Variants in ZRANB1 observed in about 807,000 individuals in gnomAD.
ZRANB1 encodes the protein zinc finger RANBP2-type containing 1.
In ZRANB1, 16 loss-of-function variants were observed where a neutral mutation model predicts 80.5. The observed-to-expected ratio is 0.20, with a 90% CI of 0.13 to 0.30. The LOEUF (loss-of-function observed/expected upper bound fraction) is 0.30, where lower values mean the gene tolerates loss of function less well. Ranked by LOEUF, ZRANB1 falls within the 10% of genes least tolerant of loss-of-function variation. ZRANB1 has a pLI of 1.00. For synonymous variants in ZRANB1, 291 were observed against 293.1 expected (o/e 0.99, Z 0.07); for missense variants, 576 against 862.6 (o/e 0.67, Z 4.16).
chr10:124,969,632 A>G (rs1395204410), intron 2 of ZRANB1, among the ~76,000 whole-genome samples: 2 of 152,254 alleles, frequency 1.3e-5, no homozygotes, highest in East Asian at 1.9e-4. Flanking sequence ...GAAGTAAATG[A>G]GATTACAAAG....
Position 124,942,277 on chromosome 10 carries a change from A to T in ZRANB1, c.-217A>T. 1 of 1,375,578 alleles carries T rather than the reference A, an allele frequency of 7.3e-7. No individual in the cohort carries two copies. The highest frequency in any genetic ancestry group is 9.4e-7 in the Non-Finnish European group (1 of 1,067,382). 85.2% of individuals were successfully genotyped at this position (1,375,578 alleles called of 1,614,324 possible). A position where few individuals can be genotyped will look rare whatever the true frequency, so the allele number is the denominator to read the frequency against. On this transcript the variant is annotated 5_prime_UTR_variant, in exon 1 of 9. Coordinates refer to ENST00000359653, the MANE Select transcript of ZRANB1 (RefSeq NM_017580.3). The stretch of plus-strand genomic sequence containing the variant: ...AGGGTCTAAGATTTTTTCTTTGAGA[A>T]TTTATCTCCAGTGTTTCTATGGAAA...
At chr10:124,955,214 C>T (rs1951679114) in intron 1 of ZRANB1, among the ~76,000 whole-genome samples, 1 of 123,280 alleles carries the variant, frequency 8.1e-6, no homozygotes, top group African/African-American at 2.5e-5. Flanking sequence ...AAAAATGTTA[C>T]ATTAAAAGGT....
chr10:124,971,693 T>C (rs1464039097), intron 2 of ZRANB1, among the ~76,000 whole-genome samples: 7 of 152,326 alleles, frequency 4.6e-5, no homozygotes, highest in African/African-American at 1.4e-4. Context: ...CAACACCCTT[T>C]TCCATACATT....
chr10:124,958,896 G>A (rs1444337233), intron 1 of ZRANB1, among the ~76,000 whole-genome samples: 2 of 152,176 alleles, frequency 1.3e-5, no homozygotes, highest in Non-Finnish European at 2.9e-5. Flanking sequence ...TCCAGTCCCA[G>A]TCTGGGCAAC....
chr10:124,951,040 TAA>T (rs371717638), intron 1 of ZRANB1, among the ~76,000 whole-genome samples: 4 of 148,908 alleles, frequency 2.7e-5, no homozygotes, highest in African/African-American at 9.8e-5. Flanking sequence ...ACACCTTGTT[TAA>T]AAAAAAAAAT....
At chr10:124,928,152 C>A in the ZRANB1 span, among the ~76,000 whole-genome samples, 1 of 152,148 alleles carries the variant, frequency 6.6e-6, no homozygotes, top group Non-Finnish European at 1.5e-5. Context: ...GGAGCAGTAC[C>A]AGATTTCTAG....
chr10:124,943,872 G>C (rs772957606), intron 1 of ZRANB1, among the ~76,000 whole-genome samples: 2 of 152,168 alleles, frequency 1.3e-5, no homozygotes, highest in Non-Finnish European at 2.9e-5. Context: ...GATGATAGAA[G>C]CTTTAGTCAG....
chr10:124,945,166 A>ACTACCTCTG (rs1361316463), intron 1 of ZRANB1: 1 of 152,342 alleles, frequency 6.6e-6, no homozygotes, highest in East Asian at 1.9e-4. Flanking sequence ...TTGTGTAACC[A>ACTACCTCTG]CTACCTCTGT....
At chr10:124,937,486 G>A (rs1304265274), upstream of ZRANB1, among the ~76,000 whole-genome samples, 1 of 151,876 alleles carries the variant, frequency 6.6e-6, no homozygotes, top group East Asian at 1.9e-4. Flanking sequence ...GCGCCCCACC[G>A]AGAATTATTT....
At chr10:124,932,176 T>A in the ZRANB1 span, among the ~76,000 whole-genome samples, 1 of 152,234 alleles carries the variant, frequency 6.6e-6, no homozygotes, top group South Asian at 2.1e-4. Context: ...AATATTCCAT[T>A]GTCTGGATGT....
chr10:124,984,604 C>A, intron 8 of ZRANB1, 170 bp from the exon 9 acceptor site: 1 of 620,130 alleles, frequency 1.6e-6, no homozygotes, highest in Non-Finnish European at 2.7e-6. Flanking sequence ...TTAACCAGAG[C>A]AAACTGGACT....
At chr10:124,953,532 C>T (rs1030882849) in intron 1 of ZRANB1, among the ~76,000 whole-genome samples, 55 of 152,140 alleles carry the variant, frequency 3.6e-4, no homozygotes, top group African/African-American at 1.3e-3. Context: ...TGCTGTGGCC[C>T]AGGGTAATCT....
rs925073395 is a variant in ZRANB1 at position 124,974,205 on chromosome 10, G to C, written c.1234G>C (p.Glu412Gln). 4 of 1,614,046 alleles carry C rather than the reference G, an allele frequency of 2.5e-6. No individual in the cohort carries two copies. The highest frequency in any genetic ancestry group is 2.7e-5 in the African/African-American group (2 of 74,946). Residue 412 changes from glutamate to glutamine, a missense_variant, in exon 5 of 9, where the codon GAA (glutamate) becomes CAA (glutamine). Around this residue, in one of 3 missense-constraint regions of ZRANB1, gnomAD observed 411 missense variants for 583.1 expected, o/e 0.70. Coordinates refer to ENST00000359653, the MANE Select transcript of ZRANB1 (RefSeq NM_017580.3). The stretch of plus-strand genomic sequence containing the variant: ...TATTTAAATCCATCGTACAGAATTA[G>C]AAGAAGAATCTCCAATTATTAACTG... ...VLDRDVQKEL[E>Q]EESPIINWSL... is the part of the protein sequence containing the mutation.
intron 1 of ZRANB1, among the ~76,000 whole-genome samples, chr10:124,957,906 T>G (rs746373328): frequency 2.0e-5 from 3 of 152,146 alleles, no homozygotes; most frequent in Non-Finnish European, 2.9e-5. Flanking sequence ...TTTTTGTATT[T>G]TTAATAGAGT....
In ZRANB1 at chr10:124,985,093, A is replaced by C. The variant is rs2134008533; in HGVS notation, c.*101A>C. On this transcript the variant is annotated 3_prime_UTR_variant, in exon 9 of 9. Coordinates refer to ENST00000359653, the MANE Select transcript of ZRANB1 (RefSeq NM_017580.3). ...GAGTCGACATCATGGAATGAACCAA[A>C]TCTGGCAGGATCTGCTCGGGGAAGT... 2 of 855,256 alleles carry C rather than the reference A, an allele frequency of 2.3e-6. No homozygotes were observed. Among genetic ancestry groups the C allele is most frequent in the Non-Finnish European group, 3.7e-6 (2 of 545,088 alleles). The allele number at this position is 855,256 out of a possible 1,614,324, so 53.0% of individuals were successfully genotyped here.
intron 1 of ZRANB1, among the ~76,000 whole-genome samples, chr10:124,953,026 G>T (rs1435518382): frequency 6.6e-6 from 1 of 151,880 alleles, no homozygotes. Flanking sequence ...CCAGGTTCAA[G>T]TAATTCTCCT....
chr10:124,940,564 T>C (rs1276503159), upstream of ZRANB1: 2 of 1,284,250 alleles, frequency 1.6e-6, no homozygotes, highest in South Asian at 2.5e-5. Flanking sequence ...GTGGTTTTTA[T>C]TTTAGCTATT....
chr10:124,933,916 G>A, the ZRANB1 span, among the ~76,000 whole-genome samples: 2 of 152,150 alleles, frequency 1.3e-5, no homozygotes, highest in African/African-American at 4.8e-5. Flanking sequence ...AACAGAAAGA[G>A]CATTAATATT....
chr10:124,945,244 A>G (rs1233283794), intron 1 of ZRANB1: 2 of 151,794 alleles, frequency 1.3e-5, no homozygotes, highest in African/African-American at 4.8e-5. Flanking sequence ...ACTGCCCCCT[A>G]CCCCTACCCG....
Sources: gnomAD v4.1 joint callset for allele counts (sites outside exome capture counted in the v4.1 genomes callset) on GRCh38, gnomAD v4.1.1 for gene constraint, gnomAD v4.1.1 regional missense constraint, MANE v1.5 for transcripts, NCBI Gene and HGNC (gene_info 2026-07-23, HGNC 2026-07-21) for gene names.